UVRAG: variants seen among roughly 807,000 people sequenced by gnomAD.
UVRAG encodes the protein UV radiation resistance associated, also known as UV radiation resistance-associated gene protein.
In UVRAG, 19 loss-of-function variants were observed where a neutral mutation model predicts 78.0. That is an observed-to-expected ratio of 0.24 (90% CI 0.17 to 0.36). The LOEUF (loss-of-function observed/expected upper bound fraction) is 0.36. UVRAG is among the 10% of genes least tolerant of loss of function. UVRAG has a pLI of 1.00. For synonymous variants in UVRAG, 323 were observed against 324.6 expected (o/e 1.00, Z 0.05); for missense variants, 740 against 853.8 (o/e 0.87, Z 1.66).
At chr11:75,946,174 ACTGT>A (rs1349844431) in intron 6 of UVRAG, among the ~76,000 whole-genome samples, 2 of 152,196 alleles carry the variant, frequency 1.3e-5, no homozygotes, top group Non-Finnish European at 2.9e-5. Context: ...GAGAGCACAG[ACTGT>A]CTGCAATGTT....
At chr11:76,102,123 A>G (rs1445989895) in intron 13 of UVRAG, among the ~76,000 whole-genome samples, 2 of 152,134 alleles carry the variant, frequency 1.3e-5, no homozygotes, top group African/African-American at 2.4e-5. Flanking sequence ...GAAGAATGTC[A>G]TTGGTAGTTT....
At chr11:76,058,541 A>AG (rs1184959071) in intron 12 of UVRAG, among the ~76,000 whole-genome samples, 3 of 151,792 alleles carry the variant, frequency 2.0e-5, no homozygotes, top group Non-Finnish European at 4.4e-5. Flanking sequence ...CTCCAAAAAA[A>AG]AAAAAAAAAA....
intron 6 of UVRAG, among the ~76,000 whole-genome samples, chr11:75,918,081 C>T (rs951714488): frequency 4.0e-5 from 6 of 151,838 alleles, no homozygotes; most frequent in African/African-American, 1.5e-4. Flanking sequence ...TTAAAAGATA[C>T]GTGGGCTGGG....
chr11:75,998,189 A>G (rs1215255162), intron 8 of UVRAG, among the ~76,000 whole-genome samples: 1 of 152,204 alleles, frequency 6.6e-6, no homozygotes, highest in African/African-American at 2.4e-5. Flanking sequence ...GGACCAGCTC[A>G]CTTATACTAA....
At chr11:75,880,495 T>A (rs11827625) in intron 4 of UVRAG, among the ~76,000 whole-genome samples, 11,916 of 152,248 alleles carry the variant, frequency 0.078, 753 homozygotes, top group African/African-American at 0.17. Context: ...CTTGGATTAT[T>A]TGCTGCCACT....
chr11:76,090,001 C>T (rs1417269412), intron 13 of UVRAG, among the ~76,000 whole-genome samples: 2 of 152,156 alleles, frequency 1.3e-5, no homozygotes, highest in African/African-American at 2.4e-5. Context: ...ATTCTACCTC[C>T]GCCCTCGCTA....
At chr11:76,079,213 G>T (rs940708483) in intron 13 of UVRAG, among the ~76,000 whole-genome samples, 5 of 152,220 alleles carry the variant, frequency 3.3e-5, no homozygotes, top group Non-Finnish European at 5.9e-5. Context: ...GCAAGGTGCA[G>T]TGGCTCAAGC....
chr11:76,093,831 C>T (rs1464040458), intron 13 of UVRAG, among the ~76,000 whole-genome samples: 2 of 152,128 alleles, frequency 1.3e-5, no homozygotes, highest in Admixed American at 1.3e-4. Flanking sequence ...TCCTCTTTTC[C>T]TAATTGAATA....
chr11:75,851,701 G>T (rs1246429921), intron 1 of UVRAG, among the ~76,000 whole-genome samples, 182 bp from the exon 2 acceptor site: 1 of 152,158 alleles, frequency 6.6e-6, no homozygotes, highest in East Asian at 1.9e-4. Flanking sequence ...GATAGGGCAG[G>T]TATAATTCCT....
intron 12 of UVRAG, among the ~76,000 whole-genome samples, chr11:76,020,876 C>G (rs914345737): frequency 6.6e-6 from 1 of 152,096 alleles, no homozygotes; most frequent in Non-Finnish European, 1.5e-5. Context: ...AAAGTTTTGC[C>G]AAAACTCAAG....
intron 1 of UVRAG, among the ~76,000 whole-genome samples, chr11:75,832,751 C>G (rs886588644): frequency 6.6e-6 from 1 of 152,200 alleles, no homozygotes; most frequent in African/African-American, 2.4e-5. Context: ...CTCAGTGTTT[C>G]TGCCCTGAAG....
At chr11:76,108,197 G>T (rs962682522) in intron 13 of UVRAG, among the ~76,000 whole-genome samples, 2 of 152,168 alleles carry the variant, frequency 1.3e-5, no homozygotes, top group African/African-American at 4.8e-5. Flanking sequence ...GGGGACATGT[G>T]TGTGTGTTGT....
At chr11:75,950,519 G>C (rs1333106412) in intron 6 of UVRAG, among the ~76,000 whole-genome samples, 1 of 152,194 alleles carries the variant, frequency 6.6e-6, no homozygotes, top group Non-Finnish European at 1.5e-5. Context: ...TTCCCAAAGT[G>C]TTGGGATTAC....
At position 75,888,884 on chromosome 11, in the gene UVRAG, G is replaced by T. The variant is rs1340340204; in HGVS notation, c.488G>T (p.Gly163Val). The T allele has an allele frequency of 6.2e-7, 1 of 1,613,386 alleles. No homozygotes were observed. Among genetic ancestry groups the T allele is most frequent in the Non-Finnish European group, 8.5e-7 (1 of 1,179,708 alleles). The change falls in exon 5 of 15, where the codon GGT becomes GTT. Residue 163 changes from glycine (G) to valine (V), a missense_variant. By Grantham distance (109) the Gly-to-Val change is moderately radical (BLOSUM62 -3). Transcript: ENST00000356136. Reference protein sequence around the residue: ...IIFGLNDGYYGAPFEHKGYSN... With the variant: ...IIFGLNDGYYVAPFEHKGYSN... ...TTTGGGCTGAATGATGGATACTATGGTGCTCCATTTGAACATAAGGTAAGA... is the reference window on the plus strand; with the variant it reads ...TTTGGGCTGAATGATGGATACTATGTTGCTCCATTTGAACATAAGGTAAGA...
intron 12 of UVRAG, among the ~76,000 whole-genome samples, chr11:76,029,791 C>T (rs1205015791): frequency 1.3e-5 from 2 of 152,192 alleles, no homozygotes; most frequent in African/African-American, 4.8e-5. Flanking sequence ...AGAAGTTCTA[C>T]TGTGGGTAAA....
At chr11:75,883,428 A>G (rs1205374389) in intron 4 of UVRAG, among the ~76,000 whole-genome samples, 1 of 152,128 alleles carries the variant, frequency 6.6e-6, no homozygotes, top group Non-Finnish European at 1.5e-5. Context: ...AAAGCCAGAT[A>G]GAAACTTAAG....
intron 1 of UVRAG, among the ~76,000 whole-genome samples, chr11:75,839,962 G>A (rs1190810225): frequency 6.6e-6 from 1 of 151,906 alleles, no homozygotes; most frequent in Non-Finnish European, 1.5e-5. Context: ...GTTGGATCTT[G>A]TTTGATCTAT....
rs553448711 is a variant in UVRAG, at chr11:76,073,337, G to C, written c.1305+7549G>C. ...CTTGTCTTTACTTGAAAGAATGACT[G>C]ACAAATTATGGTTATTTAGACTTAA... On this transcript the variant is annotated intron_variant, in intron 13 of 14. Transcript: ENST00000356136. Among the ~76,000 whole-genome samples the C allele has an allele frequency of 1.7e-3, 262 of 152,184 alleles. 1 individual carries two copies. The highest frequency in any genetic ancestry group is 5.9e-3 in the African/African-American group (247 of 41,530).
intron 6 of UVRAG, among the ~76,000 whole-genome samples, chr11:75,917,174 T>C (rs747572082): frequency 3.9e-4 from 59 of 152,236 alleles, no homozygotes; most frequent in Non-Finnish European, 6.9e-4. Context: ...TGCCCAGGAA[T>C]GTACAAAGAC....
Sources: allele counts gnomAD v4.1 joint callset (sites outside exome capture counted in the v4.1 genomes callset), GRCh38; gene constraint gnomAD v4.1.1; transcripts MANE v1.5; gene names NCBI Gene and HGNC (gene_info 2026-07-23, HGNC 2026-07-21).